The following WWOX variants were observed in gnomAD, a reference collection of about 807,000 sequenced individuals.
The protein encoded by WWOX is WW domain-containing oxidoreductase.
Under a neutral mutation model 46.2 loss-of-function variants are expected in WWOX, and 69 were observed. The ratio of observed to expected loss-of-function variants is 1.49; its 90% CI spans 1.23 to 1.82. The LOEUF is 1.82. Ranked by LOEUF, WWOX falls within the 40% of genes most tolerant of loss-of-function variation. The pLI is 0.00. For missense variants in WWOX, 919 were observed against 542.6 expected (o/e 1.69, Z -6.89); for synonymous variants, 359 against 202.6 (o/e 1.77, Z -6.56).
intron 8 of WWOX, among the ~76,000 whole-genome samples, chr16:79,137,804 C>G (rs1197404375): frequency 6.6e-6 from 1 of 152,060 alleles, no homozygotes; most frequent in Non-Finnish European, 1.5e-5. Context: ...TTAATGACTT[C>G]CAGGTGTGCC....
chr16:78,744,269 A>C (rs2049295868), intron 8 of WWOX, among the ~76,000 whole-genome samples: 2 of 152,174 alleles, frequency 1.3e-5, no homozygotes, highest in Non-Finnish European at 2.9e-5. Context: ...ACAGGACTTT[A>C]GAAACACATA....
intron 8 of WWOX, among the ~76,000 whole-genome samples, chr16:79,094,200 A>G (rs980882141): frequency 2.0e-5 from 3 of 150,734 alleles, no homozygotes; most frequent in Non-Finnish European, 2.9e-5. Context: ...ATATTTCATT[A>G]CCACTTTTGC....
At chr16:78,181,884 T>C (rs988892322) in intron 5 of WWOX, among the ~76,000 whole-genome samples, 10 of 152,178 alleles carry the variant, frequency 6.6e-5, no homozygotes, top group Non-Finnish European at 2.9e-5. Context: ...GTATGGAAGG[T>C]CTTTATTTAA....
At chr16:79,180,171 C>T (rs1327628008) in intron 8 of WWOX, among the ~76,000 whole-genome samples, 1 of 152,156 alleles carries the variant, frequency 6.6e-6, no homozygotes, top group Admixed American at 6.6e-5. Context: ...CAAAACGACG[C>T]TGGTGCCTAA....
Position 78,340,213 on chromosome 16 carries a change from T to C in WWOX, c.517-46647T>C, listed in dbSNP as rs1329735887. 2.6e-5 allele frequency among the ~76,000 whole-genome samples: 3 copies of C among 115,098 alleles called. 1 individual carries two copies. The highest frequency in any genetic ancestry group is 8.8e-5 in the African/African-American group (3 of 34,100). 75.5% of individuals were successfully genotyped at this position (115,098 alleles called of 152,430 possible). ...GTTTGATGATAGTCTTTTTTTTTTT[T>C]TGAGATGGAGTCTTACTGTGTCACC... is the stretch of plus-strand genomic sequence containing the variant. On this transcript the variant is annotated intron_variant, in intron 5 of 8. Transcript: ENST00000566780.
At chr16:78,810,229 T>C (rs2051150490) in intron 8 of WWOX, among the ~76,000 whole-genome samples, 1 of 152,148 alleles carries the variant, frequency 6.6e-6, no homozygotes, top group South Asian at 2.1e-4. Context: ...TCAAAACATT[T>C]CTATCAGAAC....
chr16:78,263,380 C>T (rs115103873), intron 5 of WWOX, among the ~76,000 whole-genome samples: 1,883 of 152,284 alleles, frequency 0.012, 44 homozygotes, highest in African/African-American at 0.044. Context: ...GCCATGTGCT[C>T]ACCCCTTAAT....
intron 6 of WWOX, among the ~76,000 whole-genome samples, chr16:78,408,774 C>G (rs1025804552): frequency 6.6e-6 from 1 of 152,108 alleles, no homozygotes; most frequent in Non-Finnish European, 1.5e-5. Flanking sequence ...GAAGAGTTTC[C>G]TGAGTCACCT....
intron 8 of WWOX, among the ~76,000 whole-genome samples, chr16:78,832,775 C>T (rs1243703373): frequency 3.3e-5 from 5 of 152,218 alleles, no homozygotes; most frequent in South Asian, 2.1e-4. Flanking sequence ...GTTGGGGAGG[C>T]GCCTTTACAG....
chr16:78,542,405 C>G (rs1205002300), intron 8 of WWOX, among the ~76,000 whole-genome samples: 1 of 152,140 alleles, frequency 6.6e-6, no homozygotes, highest in East Asian at 1.9e-4. Context: ...AGTGGTGTTG[C>G]AGGGACCTGC....
intron 8 of WWOX, among the ~76,000 whole-genome samples, chr16:78,613,191 C>T (rs191245997): frequency 1.1e-4 from 16 of 152,290 alleles, no homozygotes; most frequent in African/African-American, 3.4e-4. Context: ...GTGCCCATCA[C>T]CCCGATCACA....
chr16:78,223,724 G>C (rs184148901), intron 5 of WWOX, among the ~76,000 whole-genome samples: 138 of 152,274 alleles, frequency 9.1e-4, no homozygotes, highest in Non-Finnish European at 1.5e-3. Context: ...GTGGGGAAGA[G>C]TGTTGGAGCC....
intron 5 of WWOX, among the ~76,000 whole-genome samples, chr16:78,336,927 C>T (rs773708008): frequency 6.3e-4 from 96 of 152,080 alleles, no homozygotes; most frequent in Non-Finnish European, 8.7e-4. Flanking sequence ...TACAGGCGCC[C>T]GCCACCATGC....
At chr16:79,130,442 C>G (rs1473744322) in intron 8 of WWOX, among the ~76,000 whole-genome samples, 3 of 152,120 alleles carry the variant, frequency 2.0e-5, no homozygotes, top group African/African-American at 4.8e-5. Flanking sequence ...AGGGTAGGGT[C>G]AGTTCTACGT....
At chr16:78,279,610 G>C (rs2079640596) in intron 5 of WWOX, among the ~76,000 whole-genome samples, 1 of 152,158 alleles carries the variant, frequency 6.6e-6, no homozygotes, top group Admixed American at 6.5e-5. Flanking sequence ...TGCCTCTGCT[G>C]CTGGCAGTGA....
chr16:78,923,638 CAAAT>C (rs780837569), intron 8 of WWOX, among the ~76,000 whole-genome samples: 1 of 151,948 alleles, frequency 6.6e-6, no homozygotes, highest in Non-Finnish European at 1.5e-5. Context: ...TTCTATGAAT[CAAAT>C]AATATATGGC....
At chr16:79,161,851 G>C (rs1341938704) in intron 8 of WWOX, among the ~76,000 whole-genome samples, 1 of 152,148 alleles carries the variant, frequency 6.6e-6, no homozygotes, top group African/African-American at 2.4e-5. Flanking sequence ...TGCTTTTTCT[G>C]TCACCTCCCT....
chr16:78,749,694 A>G lies in WWOX; in HGVS notation c.1056+316942A>G, dbSNP rs183989723. ...AATTATAGACCTCAAAATAGGTGTC[A>G]TTTAATATATATCTGTGAAAATGGG... On this transcript the variant is annotated intron_variant, in intron 8 of 8. Transcript: ENST00000566780. Among the ~76,000 whole-genome samples, 285 of 152,346 alleles carry G rather than the reference A, an allele frequency of 1.9e-3. 1 individual carries two copies. Among genetic ancestry groups the G allele is most frequent in the African/African-American group, 6.3e-3 (261 of 41,588 alleles).
chr16:78,294,977 G>A (rs1273892796), intron 5 of WWOX, among the ~76,000 whole-genome samples: 1 of 152,158 alleles, frequency 6.6e-6, no homozygotes, highest in Non-Finnish European at 1.5e-5. Flanking sequence ...TTCACACAAA[G>A]GCTCTAAGGT....
Sources: gnomAD v4.1 joint callset for allele counts (sites outside exome capture counted in the v4.1 genomes callset) on GRCh38, gnomAD v4.1.1 for gene constraint, MANE v1.5 for transcripts, NCBI Gene and HGNC (gene_info 2026-07-23, HGNC 2026-07-21) for gene names.